GATA1: variants seen among roughly 807,000 people sequenced by gnomAD.
GATA1 encodes the protein GATA binding protein 1.
A neutral mutation model predicts 18.9 loss-of-function variants in GATA1; 2 were observed. That is an observed-to-expected ratio of 0.11 (90% CI 0.04 to 0.33). GATA1 has a LOEUF of 0.33. Ranked by LOEUF, GATA1 falls within the 10% of genes least tolerant of loss-of-function variation. The pLI is 1.00. For synonymous variants in GATA1, 152 were observed against 149.1 expected, an observed-to-expected ratio of 1.02 and a Z score of -0.14; for missense variants, 272 against 344.7, an observed-to-expected ratio of 0.79 and a Z score of 1.67.
chrX:48,793,113 C>A (rs977194787), intron 4 of GATA1, 59 bp from the exon 5 acceptor site: 178 of 1,182,476 alleles, frequency 1.5e-4, no homozygotes, highest in Non-Finnish European at 1.8e-4. Flanking sequence ...CCCCTGTGAG[C>A]CCCTTACCCC....
rs782391440 is a variant in GATA1 at position 48,793,883 on chromosome X, C to G, written c.961C>G (p.Leu321Val). The change falls in exon 6 of 6, where the codon CTG (leucine) becomes GTG (valine). Residue 321 changes from leucine (L) to valine (V), a missense_variant. Transcript: ENST00000376670. ...AGGGAAAAAGAAACGGGGCTCCAGT[C>G]TGGGAGGCACAGGAGCAGCCGAAGG... is the stretch of plus-strand genomic sequence containing the variant. Reference protein sequence around the residue: ...GKGKKKRGSSLGGTGAAEGPA... With the variant: ...GKGKKKRGSSVGGTGAAEGPA... The G allele has an allele frequency of 4.1e-6, 5 of 1,206,308 alleles. No homozygotes were observed. The highest frequency in any genetic ancestry group is 5.6e-6 in the Non-Finnish European group (5 of 892,993).
intron 1 of GATA1, among the ~76,000 whole-genome samples, chrX:48,788,515 G>GC (rs1410808151): frequency 4.5e-5 from 5 of 111,692 alleles, no homozygotes; most frequent in African/African-American, 1.6e-4. Context: ...TCTTCAGAGA[G>GC]CAACAGCAGG....
rs782628386 is a variant in GATA1, at chrX:48,791,134, C to T, written c.25C>T (p.Leu9=). 8.3e-7 allele frequency: 1 copy of T among 1,209,042 alleles called. No homozygotes were observed. Among genetic ancestry groups the T allele is most frequent in the South Asian group, 1.8e-5 (1 of 56,310 alleles). MEFPGLGS[L]GTSEPLPQFV... ...CATGGAGTTCCCTGGCCTGGGGTCC[C>T]TGGGGACCTCAGAGCCCCTCCCCCA... The change falls in exon 2 of 6, where the codon CTG becomes TTG. Residue 9 remains leucine (L), a synonymous_variant. Coordinates refer to ENST00000376670, the MANE Select transcript of GATA1 (RefSeq NM_002049.4).
In GATA1 at chrX:48,792,556, C is replaced by A; in HGVS notation, c.744+88C>A. 7.1e-6 allele frequency: 8 copies of A among 1,130,230 alleles called. No homozygotes were observed. The South Asian group carries it at 1.3e-4, about 18-fold the overall frequency. 93.1% of individuals were successfully genotyped at this position (1,130,230 alleles called of 1,213,427 possible). Reference sequence around the variant, plus strand: ...GCCACATCTTCCCATTATATAGGAACGCTGTTCTCATGATTACAGGAAGCT... The same window carrying A: ...GCCACATCTTCCCATTATATAGGAAAGCTGTTCTCATGATTACAGGAAGCT... On this transcript the variant is annotated intron_variant, in intron 4 of 5. Coordinates refer to ENST00000376670, the MANE Select transcript of GATA1 (RefSeq NM_002049.4).
At chrX:48,792,301 C>A (rs782068997) in intron 3 of GATA1, 22 bp from the exon 4 acceptor site, 1 of 1,211,889 alleles carries the variant, frequency 8.3e-7, no homozygotes. Flanking sequence ...CTAGCTCCCT[C>A]TTCTCCTCTC....
Position 48,794,048 on chromosome X carries a change from G to A in GATA1, c.1126G>A (p.Val376Ile). ...GGGCCCTGTGGTGCTGTCAGGGCCT[G>A]TTAGCCACCTCATGCCTTTCCCTGG... ...GLGPVVLSGP[V>I]SHLMPFPGPL... Residue 376 changes from valine (V) to isoleucine (I), a missense_variant, in exon 6 of 6, where the codon GTT becomes ATT. Physicochemically the swap from Val to Ile is conservative, Grantham distance 29 (BLOSUM62 3). Transcript: ENST00000376670. 1.7e-6 allele frequency: 2 copies of A among 1,211,171 alleles called. No homozygotes were observed. Among genetic ancestry groups the A allele is most frequent in the Non-Finnish European group, 2.2e-6 (2 of 895,120 alleles).
At position 48,791,080 on chromosome X, in the gene GATA1, T is replaced by C; in HGVS notation, c.-19-11T>C. 8.8e-7 allele frequency: 1 copy of C among 1,135,268 alleles called. No homozygotes were observed. The highest frequency in any genetic ancestry group is 1.2e-6 in the Non-Finnish European group (1 of 831,368). The allele number at this position is 1,135,268 out of a possible 1,213,427, so 93.6% of individuals were successfully genotyped here. A position where few individuals can be genotyped will look rare whatever the true frequency, so the allele number is the denominator to read the frequency against. Reference sequence around the variant, plus strand: ...GATTTCTGTGTCTGAGGACCCCTTCTGTCCTCGCAGGTTAATCCCCAGAGG... The same window carrying C: ...GATTTCTGTGTCTGAGGACCCCTTCCGTCCTCGCAGGTTAATCCCCAGAGG... On this transcript the variant is annotated splice_polypyrimidine_tract_variant and intron_variant, in intron 1 of 5. Transcript: ENST00000376670.
intron 1 of GATA1, among the ~76,000 whole-genome samples, chrX:48,790,431 C>G (rs1557019845): frequency 9.1e-6 from 1 of 110,483 alleles, no homozygotes; most frequent in African/African-American, 3.3e-5. Context: ...AGCCTGGCAA[C>G]AGAGGAGACC....
At position 48,791,017 on chromosome X, in the gene GATA1, G is replaced by T. The variant is rs1424737326; in HGVS notation, c.-19-74G>T. The T allele has an allele frequency of 2.3e-5, 15 of 665,715 alleles. No individual in the cohort carries two copies. In the South Asian group the frequency reaches 3.1e-4, roughly 14 times the overall value. The allele number at this position is 665,715 out of a possible 1,213,427, so 54.9% of individuals were successfully genotyped here. ...TGATGGAGTGGGAGGAGGGGGAAAGGAGGGAAGAGGAGCAGGTGAAAGGAG... is the reference window on the plus strand; with the variant it reads ...TGATGGAGTGGGAGGAGGGGGAAAGTAGGGAAGAGGAGCAGGTGAAAGGAG... On this transcript the variant is annotated intron_variant, in intron 1 of 5. Transcript: ENST00000376670.
rs782497793 is a variant in GATA1, at chrX:48,790,997, G to C, written c.-19-94G>C. Reference sequence around the variant, plus strand: ...GAGAAATATGGAGACTGAGGTGATGGAGTGGGAGGAGGGGGAAAGGAGGGA... The same window carrying C: ...GAGAAATATGGAGACTGAGGTGATGCAGTGGGAGGAGGGGGAAAGGAGGGA... On this transcript the variant is annotated intron_variant, in intron 1 of 5. Coordinates refer to ENST00000376670, the MANE Select transcript of GATA1 (RefSeq NM_002049.4). 2.7e-5 allele frequency: 15 copies of C among 564,821 alleles called. No individual in the cohort carries two copies. In the Admixed American group the frequency reaches 3.6e-4, roughly 13 times the overall value. The allele number at this position is 564,821 out of a possible 1,213,427, so 46.5% of individuals were successfully genotyped here. A position where few individuals can be genotyped will look rare whatever the true frequency, so the allele number is the denominator to read the frequency against.
At chrX:48,788,498 A>G (rs5906709) in intron 1 of GATA1, among the ~76,000 whole-genome samples, 34,021 of 110,129 alleles carry the variant, frequency 0.31, 5,447 homozygotes, top group African/African-American at 0.62. Context: ...GGGGAAGCAA[A>G]ACACTCTCTT....
Position 48,791,996 on chromosome X carries a change from G to A in GATA1, c.373G>A (p.Asp125Asn), listed in dbSNP as rs782411113. 2.7e-5 allele frequency: 33 copies of A among 1,210,143 alleles called. No individual in the cohort carries two copies. The highest frequency in any genetic ancestry group is 3.7e-5 in the Non-Finnish European group (33 of 895,203). Residue 125 changes from aspartate to asparagine, a missense_variant, in exon 3 of 6, where the codon GAT (aspartate) becomes AAT (asparagine). By Grantham distance (23) the Asp-to-Asn change is conservative (BLOSUM62 1). Transcript: ENST00000376670. ...TCCTCCCCAGGCCGTGGAAGATCTG[G>A]ATGGAAAAGGCAGCACCAGCTTCCT... ...DSPPQAVEDL[D>N]GKGSTSFLET... is the part of the protein sequence containing the mutation.
At chrX:48,789,766 AG>A (rs2062668303) in intron 1 of GATA1, among the ~76,000 whole-genome samples, 2 of 111,007 alleles carry the variant, frequency 1.8e-5, no homozygotes, top group South Asian at 7.6e-4. Flanking sequence ...GGAGGAACTA[AG>A]GGGGCCTTCT....
chrX:48,789,306 C>CAA (rs1364678472), intron 1 of GATA1, among the ~76,000 whole-genome samples: 157 of 38,110 alleles, frequency 4.1e-3, no homozygotes, highest in Non-Finnish European at 6.5e-3. Flanking sequence ...GACTCCGTCT[C>CAA]AAAAAAAAAA....
At chrX:48,786,905 C>T (rs1227733679) in intron 1 of GATA1, among the ~76,000 whole-genome samples, 2 of 110,694 alleles carry the variant, frequency 1.8e-5, no homozygotes, top group Non-Finnish European at 1.9e-5. Flanking sequence ...CTTCACTTTG[C>T]TCGCTATACC....
rs781811859 is a variant in GATA1, at chrX:48,791,874, T to TGGA, written c.254_256dup (p.Glu85dup). The TGGA allele has an allele frequency of 8.3e-7, 1 of 1,210,208 alleles. No individual in the cohort carries two copies. The highest frequency in any genetic ancestry group is 1.8e-5 in the South Asian group (1 of 56,846). On this transcript the variant is annotated inframe_insertion, in exon 3 of 6. Transcript: ENST00000376670. ...CAGGTGTACCCATTGCTCAACTGTA[T>TGGA]GGAGGGGATCCCAGGGGGCTCACCA...
rs1557020068 is a variant in GATA1 at position 48,791,315 on chromosome X, A to G, written c.206A>G (p.Tyr69Cys). 3 of 1,202,133 alleles carry G rather than the reference A, an allele frequency of 2.5e-6. No homozygotes were observed. The highest frequency in any genetic ancestry group is 3.4e-6 in the Non-Finnish European group (3 of 890,615). ...GCCTACTACAGGGACGCTGAGGCCT[A>G]CAGACACTCCCCAGGTAACTCCATT... The part of the protein sequence containing the change: ...ALAYYRDAEA[Y>C]RHSPVFQVYP... Residue 69 changes from tyrosine (Y) to cysteine (C), a missense_variant, in exon 2 of 6, where the codon TAC (tyrosine) becomes TGC (cysteine). Physicochemically the swap from Tyr to Cys is radical, Grantham distance 194. Coordinates refer to ENST00000376670, the MANE Select transcript of GATA1 (RefSeq NM_002049.4).
intron 1 of GATA1, among the ~76,000 whole-genome samples, chrX:48,788,953 G>C (rs1390207830): frequency 8.9e-6 from 1 of 111,758 alleles, no homozygotes; most frequent in Non-Finnish European, 1.9e-5. Context: ...GAAAGAGAGA[G>C]CCAGAGAGAG....
At position 48,792,309 on chromosome X, in the gene GATA1, C is replaced by T. The variant is rs1557020293; in HGVS notation, c.599-14C>T. 3 of 1,211,912 alleles carry T rather than the reference C, an allele frequency of 2.5e-6. No homozygotes were observed. The highest frequency in any genetic ancestry group is 3.4e-6 in the Non-Finnish European group (3 of 895,481). On this transcript the variant is annotated splice_polypyrimidine_tract_variant and intron_variant, in intron 3 of 5. Coordinates refer to ENST00000376670, the MANE Select transcript of GATA1 (RefSeq NM_002049.4). ...GCTGAGCCTAGCTCCCTCTTCTCCTCTCCACCCCACCAGAGGCCAGGGAGT... is the reference window on the plus strand; with the variant it reads ...GCTGAGCCTAGCTCCCTCTTCTCCTTTCCACCCCACCAGAGGCCAGGGAGT...
Sources: allele counts gnomAD v4.1 joint callset (sites outside exome capture counted in the v4.1 genomes callset), GRCh38; gene constraint gnomAD v4.1.1; transcripts MANE v1.5; gene names NCBI Gene and HGNC (gene_info 2026-07-23, HGNC 2026-07-21).